ADGRL3: variants seen among roughly 807,000 people sequenced by gnomAD.
ADGRL3 encodes adhesion G protein-coupled receptor L3.
Under a neutral mutation model 153.5 loss-of-function variants are expected in ADGRL3, and 62 were observed. The observed-to-expected ratio is 0.40, with a 90% CI of 0.33 to 0.50. The LOEUF (loss-of-function observed/expected upper bound fraction) is 0.50. ADGRL3 is among the 20% of genes least tolerant of loss of function. ADGRL3 has a pLI of 0.47. For missense variants in ADGRL3, 1,641 were observed against 1,859.4 expected (o/e 0.88, Z 2.16); for synonymous variants, 710 against 672.5 (o/e 1.06, Z -0.86).
At chr4:61,300,657 G>C (rs1420032672) in intron 1 of ADGRL3, among the ~76,000 whole-genome samples, 1 of 152,162 alleles carries the variant, frequency 6.6e-6, no homozygotes, top group African/African-American at 2.4e-5. Context: ...GAATGAGATG[G>C]CTCATGCTGG....
intron 6 of ADGRL3, among the ~76,000 whole-genome samples, chr4:61,685,181 G>A (rs569422749): frequency 1.3e-5 from 2 of 152,132 alleles, no homozygotes; most frequent in Admixed American, 6.6e-5. Flanking sequence ...GCCTCCCAAA[G>A]TTTTGGGATT....
chr4:61,729,870 AT>A (rs2151784476), intron 6 of ADGRL3, among the ~76,000 whole-genome samples: 1 of 152,120 alleles, frequency 6.6e-6, no homozygotes, highest in South Asian at 2.1e-4. Context: ...CTCTATTTTT[AT>A]AAGTGTATGT....
At chr4:61,439,791 G>C (rs1323673898) in intron 2 of ADGRL3, among the ~76,000 whole-genome samples, 1 of 152,030 alleles carries the variant, frequency 6.6e-6, no homozygotes, top group Non-Finnish European at 1.5e-5. Flanking sequence ...TTAATAAGAT[G>C]ACCTTGGAAG....
chr4:61,254,934 G>A (rs372471360), intron 1 of ADGRL3, among the ~76,000 whole-genome samples: 1 of 151,786 alleles, frequency 6.6e-6, no homozygotes, highest in Non-Finnish European at 1.5e-5. Flanking sequence ...AGCACCAATG[G>A]CTTCCTTCAT....
At chr4:61,975,677 C>T (rs1030661472) in intron 17 of ADGRL3, among the ~76,000 whole-genome samples, 2 of 152,080 alleles carry the variant, frequency 1.3e-5, no homozygotes, top group African/African-American at 4.8e-5. Context: ...AGAGGCTCTT[C>T]ATAAGAAATC....
chr4:61,466,489 G>C (rs1465106837), intron 2 of ADGRL3, among the ~76,000 whole-genome samples: 1 of 152,174 alleles, frequency 6.6e-6, no homozygotes, highest in Non-Finnish European at 1.5e-5. Context: ...AGAGCAGGAG[G>C]ATGCATAAAT....
chr4:61,785,403 G>A (rs1044608765), intron 8 of ADGRL3, among the ~76,000 whole-genome samples: 1 of 152,284 alleles, frequency 6.6e-6, no homozygotes, highest in East Asian at 1.9e-4. Context: ...TTCACATGAT[G>A]CCTTTCGTGT....
chr4:61,541,390 C>T (rs901573703), intron 4 of ADGRL3, among the ~76,000 whole-genome samples: 7 of 121,200 alleles, frequency 5.8e-5, no homozygotes, highest in Non-Finnish European at 1.1e-4. Flanking sequence ...GGGCAAGTAA[C>T]ATGTAGTTGA....
At chr4:61,351,122 C>A (rs1268092238) in intron 1 of ADGRL3, among the ~76,000 whole-genome samples, 3 of 152,104 alleles carry the variant, frequency 2.0e-5, no homozygotes, top group Non-Finnish European at 4.4e-5. Context: ...AGCAAAACAG[C>A]CTTTTTGCTG....
At chr4:62,057,965 C>T (rs1737978814) in intron 25 of ADGRL3, among the ~76,000 whole-genome samples, 1 of 152,318 alleles carries the variant, frequency 6.6e-6, no homozygotes, top group African/African-American at 2.4e-5. Flanking sequence ...AGGTGTGAGA[C>T]ACTATGCCAT....
chr4:61,262,753 A>G (rs560250381), intron 1 of ADGRL3, among the ~76,000 whole-genome samples: 14 of 152,160 alleles, frequency 9.2e-5, no homozygotes, highest in East Asian at 7.7e-4. Flanking sequence ...ACTTTATACA[A>G]TTCTACCAAC....
chr4:61,335,057 A>C (rs1480450889), intron 1 of ADGRL3, among the ~76,000 whole-genome samples: 1 of 152,282 alleles, frequency 6.6e-6, no homozygotes, highest in African/African-American at 2.4e-5. Context: ...TGTATCAATA[A>C]AAAAGCAGAA....
At chr4:61,700,619 G>T (rs924828990) in intron 6 of ADGRL3, among the ~76,000 whole-genome samples, 17 of 152,048 alleles carry the variant, frequency 1.1e-4, no homozygotes, top group Non-Finnish European at 2.1e-4. Context: ...AGAGAAAAGT[G>T]GACAGAAACT....
At chr4:61,884,864 A>T (rs1427926006) in intron 9 of ADGRL3, among the ~76,000 whole-genome samples, 1 of 151,616 alleles carries the variant, frequency 6.6e-6, no homozygotes, top group African/African-American at 2.4e-5. Context: ...ACCTCAGGTG[A>T]TCCGCCCACC....
chr4:61,962,032 G>T (rs2098989790), intron 17 of ADGRL3, among the ~76,000 whole-genome samples: 2 of 151,842 alleles, frequency 1.3e-5, no homozygotes, highest in South Asian at 2.1e-4. Context: ...CTTTTTGAAA[G>T]TAAGTTGTTC....
chr4:61,743,235 G>T (rs1224172751), intron 8 of ADGRL3, among the ~76,000 whole-genome samples: 1 of 150,410 alleles, frequency 6.6e-6, no homozygotes, highest in Admixed American at 6.7e-5. Flanking sequence ...CAGGAGAATG[G>T]TGTGAACCCA....
At position 61,388,234 on chromosome 4, in the gene ADGRL3, C is replaced by G. The variant is rs562993591; in HGVS notation, c.-174+5045C>G. On this transcript the variant is annotated intron_variant, in intron 2 of 26. Coordinates refer to ENST00000683033, the MANE Select transcript of ADGRL3 (RefSeq NM_001387552.1). The stretch of plus-strand genomic sequence containing the variant: ...CCTCTCTTTGCTTCACTTTCCTCAC[C>G]TGCATAAGTGGGTTAACAATATGAT... Among the ~76,000 whole-genome samples the G allele has an allele frequency of 4.6e-5, 7 of 152,230 alleles. No homozygotes were observed. In the South Asian group the frequency reaches 8.3e-4, roughly 18 times the overall value.
chr4:61,283,306 G>A (rs964434767), intron 1 of ADGRL3, among the ~76,000 whole-genome samples: 1 of 151,950 alleles, frequency 6.6e-6, no homozygotes, highest in Non-Finnish European at 1.5e-5. Flanking sequence ...TATGGTAACT[G>A]CAGCCACTGC....
chr4:61,207,716 T>C (rs1737967179), intron 1 of ADGRL3, among the ~76,000 whole-genome samples: 1 of 152,144 alleles, frequency 6.6e-6, no homozygotes. Flanking sequence ...ACCTATTGTT[T>C]TCTGACTTTT....
Sources: gnomAD v4.1 joint callset for allele counts (sites outside exome capture counted in the v4.1 genomes callset) on GRCh38, gnomAD v4.1.1 for gene constraint, MANE v1.5 for transcripts, NCBI Gene and HGNC (gene_info 2026-07-23, HGNC 2026-07-21) for gene names.